VPS13B: variants seen among roughly 807,000 people sequenced by gnomAD.
VPS13B encodes vacuolar protein sorting 13 homolog B.
VPS13B carries 285 observed loss-of-function variants against 426.4 expected under a neutral mutation model. That is an observed-to-expected ratio of 0.67 (90% CI 0.61 to 0.74). The LOEUF is 0.74. Among genes scored for constraint, VPS13B ranks in the 30% least tolerant of loss-of-function variants. The probability of loss-of-function intolerance (pLI) is 0.00; values close to 1 mark genes in which losing one functional copy is unlikely to be tolerated. For synonymous variants in VPS13B, 1,676 were observed against 1,676.4 expected (o/e 1.00, Z 0.01); for missense variants, 4,537 against 4,782.6 (o/e 0.95, Z 1.51).
At chr8:99,637,295 T>C (rs1168608791) in intron 33 of VPS13B, among the ~76,000 whole-genome samples, 1 of 152,056 alleles carries the variant, frequency 6.6e-6, no homozygotes, top group East Asian at 1.9e-4. Flanking sequence ...CAGTGGATTT[T>C]TAAATATGTC....
chr8:99,218,044 A>G (rs1815484724), intron 17 of VPS13B, among the ~76,000 whole-genome samples: 1 of 152,236 alleles, frequency 6.6e-6, no homozygotes, highest in Non-Finnish European at 1.5e-5. Context: ...AAGGTATGCC[A>G]GTTAGACTGT....
At position 99,850,503 on chromosome 8, in the gene VPS13B, G is replaced by A. The variant is rs941289762; in HGVS notation, c.10061+1609G>A. 3.9e-5 allele frequency among the ~76,000 whole-genome samples: 6 copies of A among 152,132 alleles called. No individual in the cohort carries two copies. The East Asian group carries it at 1.2e-3, about 29-fold the overall frequency. On this transcript the variant is annotated intron_variant, in intron 55 of 61. Transcript: ENST00000357162. ...GTGGGGTTAATGAGTTATTTAATATGTAATTATTATTTGATTTCTGTATTT... is the reference window on the plus strand; with the variant it reads ...GTGGGGTTAATGAGTTATTTAATATATAATTATTATTTGATTTCTGTATTT...
chr8:99,651,749 G>T (rs1166595050), intron 34 of VPS13B, among the ~76,000 whole-genome samples: 1 of 152,098 alleles, frequency 6.6e-6, no homozygotes, highest in Non-Finnish European at 1.5e-5. Context: ...GCAGCCCAAG[G>T]CAGCCTCAAA....
At chr8:99,847,051 G>A (rs2130897806) in intron 54 of VPS13B, among the ~76,000 whole-genome samples, 1 of 152,268 alleles carries the variant, frequency 6.6e-6, no homozygotes, top group South Asian at 2.1e-4. Flanking sequence ...TTTATAGATA[G>A]GAATATTTCT....
intron 5 of VPS13B, among the ~76,000 whole-genome samples, chr8:99,104,844 C>T (rs1206100215): frequency 1.3e-5 from 2 of 152,116 alleles, no homozygotes; most frequent in African/African-American, 4.8e-5. Flanking sequence ...AGGCTGGTCT[C>T]AAACTCCTTG....
chr8:99,398,814 A>AT (rs34134409), intron 21 of VPS13B, among the ~76,000 whole-genome samples: 5,658 of 143,846 alleles, frequency 0.039, 191 homozygotes, highest in African/African-American at 0.096. Flanking sequence ...TGGGACAAGT[A>AT]TTTTTTTTTT....
At chr8:99,198,985 CGTCTGA>C (rs1814123126) in intron 17 of VPS13B, among the ~76,000 whole-genome samples, 1 of 152,010 alleles carries the variant, frequency 6.6e-6, no homozygotes, top group Non-Finnish European at 1.5e-5. Context: ...TATTATTTTG[CGTCTGA>C]GGACTCTCAT....
intron 24 of VPS13B, among the ~76,000 whole-genome samples, chr8:99,478,463 T>TG (rs1563752186): frequency 8.0e-5 from 9 of 112,892 alleles, no homozygotes; most frequent in East Asian, 3.3e-4. Context: ...TTTTTTTTTT[T>TG]TTGTTTTTTG....
Position 99,854,047 on chromosome 8 carries a change from C to G in VPS13B, c.10658C>G (p.Ala3553Gly). 6.2e-7 allele frequency: 1 copy of G among 1,614,094 alleles called. No individual in the cohort carries two copies. The highest frequency in any genetic ancestry group is 1.1e-5 in the South Asian group (1 of 91,076). Residue 3553 changes from alanine to glycine, a missense_variant, in exon 56 of 62, where the codon GCC becomes GGC. By Grantham distance (60) the Ala-to-Gly change is moderately conservative (BLOSUM62 0). This residue lies in a region of VPS13B where 4,311 missense variants were observed against 4,474.3 expected (regional missense o/e 0.96). Coordinates refer to ENST00000357162, the MANE Select transcript of VPS13B (RefSeq NM_152564.5). ...ATGCAGGTCACACAGCACGCCAGGG[C>G]CTTGGTGAATCCTGTGAAGTTACGG... Reference protein sequence around the residue: ...LPMQVTQHARALVNPVKLRKL... With the variant: ...LPMQVTQHARGLVNPVKLRKL...
At chr8:99,093,369 A>AT (rs940438852) in intron 3 of VPS13B, among the ~76,000 whole-genome samples, 4 of 151,264 alleles carry the variant, frequency 2.6e-5, no homozygotes, top group Admixed American at 6.6e-5. Flanking sequence ...TTTTTTTTAA[A>AT]TTTTTTTTAT....
At chr8:99,516,858 A>T (rs1395171347) in intron 29 of VPS13B, among the ~76,000 whole-genome samples, 1 of 151,674 alleles carries the variant, frequency 6.6e-6, no homozygotes, top group East Asian at 1.9e-4. Context: ...AAGAATAACT[A>T]AATCTTGCTA....
At chr8:99,315,510 T>G (rs973425565) in intron 19 of VPS13B, among the ~76,000 whole-genome samples, 1 of 152,114 alleles carries the variant, frequency 6.6e-6, no homozygotes, top group Non-Finnish European at 1.5e-5. Context: ...TATCCTTTGG[T>G]AAATGTCTCA....
intron 44 of VPS13B, among the ~76,000 whole-genome samples, chr8:99,815,909 G>T (rs1814006298): frequency 6.6e-6 from 1 of 152,142 alleles, no homozygotes; most frequent in Admixed American, 6.5e-5. Context: ...ACAGTTCACT[G>T]CAGCCTTGAA....
chr8:99,822,950 G>C (rs1814462972), intron 50 of VPS13B, among the ~76,000 whole-genome samples: 2 of 152,112 alleles, frequency 1.3e-5, no homozygotes, highest in Non-Finnish European at 2.9e-5. Context: ...TATAAAAATA[G>C]TTTTGACCGT....
At chr8:99,088,110 C>T (rs914478007) in intron 3 of VPS13B, among the ~76,000 whole-genome samples, 114 of 149,658 alleles carry the variant, frequency 7.6e-4, no homozygotes, top group African/African-American at 2.7e-3. Flanking sequence ...CTTGAACCCC[C>T]GAGGCAGAGG....
At chr8:99,051,085 T>C (rs1037153755) in intron 3 of VPS13B, among the ~76,000 whole-genome samples, 1 of 152,228 alleles carries the variant, frequency 6.6e-6, no homozygotes, top group Non-Finnish European at 1.5e-5. Context: ...TTTTGGTGTT[T>C]TAGACATGAA....
chr8:99,174,243 C>T (rs1812510105), intron 16 of VPS13B, among the ~76,000 whole-genome samples: 2 of 152,096 alleles, frequency 1.3e-5, no homozygotes, highest in South Asian at 2.1e-4. Flanking sequence ...TGACAAATAC[C>T]TCTCACCTTT....
chr8:99,708,015 T>TA (rs1451958533), intron 36 of VPS13B, among the ~76,000 whole-genome samples: 2 of 152,162 alleles, frequency 1.3e-5, no homozygotes, highest in East Asian at 1.9e-4. Context: ...TTAACTTTTT[T>TA]AAAAAAATTG....
chr8:99,720,719 T>C, intron 38 of VPS13B, 144 bp from the exon 39 acceptor site: 1 of 1,104,740 alleles, frequency 9.1e-7, no homozygotes, highest in East Asian at 2.6e-5. Context: ...AAGTTCTTCA[T>C]TTCTTTCTGT....
Sources: gnomAD v4.1 joint callset for allele counts (sites outside exome capture counted in the v4.1 genomes callset) on GRCh38, gnomAD v4.1.1 for gene constraint, gnomAD v4.1.1 regional missense constraint, MANE v1.5 for transcripts, NCBI Gene and HGNC (gene_info 2026-07-23, HGNC 2026-07-21) for gene names.